PAPPA: variants seen among roughly 807,000 people sequenced by gnomAD.
The protein encoded by PAPPA is pappalysin 1.
PAPPA carries 60 observed loss-of-function variants against 164.0 expected under a neutral mutation model. The ratio of observed to expected loss-of-function variants is 0.37; its 90% CI spans 0.30 to 0.45. The LOEUF (loss-of-function observed/expected upper bound fraction) is 0.45, where lower values mean the gene tolerates loss of function less well. Ranked by LOEUF, PAPPA falls within the 20% of genes least tolerant of loss-of-function variation. The pLI is 1.00. For synonymous variants in PAPPA, 875 were observed against 814.1 expected (o/e 1.07, Z -1.27); for missense variants, 1,782 against 2,087.3 (o/e 0.85, Z 2.85).
At chr9:116,326,160 C>T (rs546017753) in intron 10 of PAPPA, among the ~76,000 whole-genome samples, 1 of 152,298 alleles carries the variant, frequency 6.6e-6, no homozygotes, top group African/African-American at 2.4e-5. Flanking sequence ...CTTATGTCAT[C>T]CATCCTCCAA....
In PAPPA at chr9:116,397,405, C is replaced by T. The variant is rs992123219; in HGVS notation, c.*789C>T. ...TGAGGCTTGAGGTCATAATATCCCTCTAGGACTTACCTGTTCCCCCAGATC... is the reference window on the plus strand; with the variant it reads ...TGAGGCTTGAGGTCATAATATCCCTTTAGGACTTACCTGTTCCCCCAGATC... On this transcript the variant is annotated 3_prime_UTR_variant, in exon 22 of 22. Coordinates refer to ENST00000328252, the MANE Select transcript of PAPPA (RefSeq NM_002581.5). 1 of 152,818 alleles carries T rather than the reference C, an allele frequency of 6.5e-6. No individual in the cohort carries two copies. The highest frequency in any genetic ancestry group is 2.4e-5 in the African/African-American group (1 of 41,450). The allele number at this position is 152,818 out of a possible 1,614,324, so 9.5% of individuals were successfully genotyped here.
chr9:116,306,635 A>G (rs1845650243), intron 10 of PAPPA, among the ~76,000 whole-genome samples: 1 of 152,224 alleles, frequency 6.6e-6, no homozygotes, highest in Non-Finnish European at 1.5e-5. Context: ...AATTAACCGA[A>G]AAAATCAAGT....
chr9:116,310,256 G>T (rs981482732), intron 10 of PAPPA, among the ~76,000 whole-genome samples: 2 of 152,196 alleles, frequency 1.3e-5, no homozygotes, highest in Non-Finnish European at 2.9e-5. Flanking sequence ...AGTGAAATGA[G>T]AGAGCCTTTG....
chr9:116,379,539 T>TCATCCATCCATCCATC (rs60827972), intron 20 of PAPPA, among the ~76,000 whole-genome samples: 9 of 149,910 alleles, frequency 6.0e-5, no homozygotes, highest in East Asian at 2.0e-4. Flanking sequence ...TTCTTGCCTG[T>TCATCCATCCATCCATC]CATCCATCCA....
At chr9:116,224,524 A>C (rs1271561132) in intron 5 of PAPPA, among the ~76,000 whole-genome samples, 1 of 152,220 alleles carries the variant, frequency 6.6e-6, no homozygotes, top group East Asian at 1.9e-4. Context: ...TCTCCCAAAG[A>C]TGGTATATAA....
chr9:116,387,606 C>T (rs912926087), intron 21 of PAPPA, among the ~76,000 whole-genome samples: 1 of 152,190 alleles, frequency 6.6e-6, no homozygotes, highest in African/African-American at 2.4e-5. Context: ...AACTCCTGGG[C>T]TCCAGTGATC....
At chr9:116,373,387 C>G (rs1364398361) in intron 19 of PAPPA, 1 of 151,914 alleles carries the variant, frequency 6.6e-6, no homozygotes, top group Non-Finnish European at 1.5e-5. Context: ...GGAAAGAAGC[C>G]AGAAACTCAG....
At chr9:116,178,005 C>T (rs1843857348) in intron 1 of PAPPA, among the ~76,000 whole-genome samples, 2 of 152,106 alleles carry the variant, frequency 1.3e-5, no homozygotes, top group African/African-American at 4.8e-5. Flanking sequence ...TTTCAGAGAA[C>T]AGTGTCAGAA....
At chr9:116,201,322 C>G (rs1255183578) in intron 2 of PAPPA, among the ~76,000 whole-genome samples, 1 of 152,120 alleles carries the variant, frequency 6.6e-6, no homozygotes, top group Admixed American at 6.5e-5. Context: ...CTGGTGTGTT[C>G]TGAAAATTAA....
At chr9:116,234,531 G>C (rs1844636407) in intron 6 of PAPPA, among the ~76,000 whole-genome samples, 1 of 152,078 alleles carries the variant, frequency 6.6e-6, no homozygotes, top group South Asian at 2.1e-4. Flanking sequence ...GCTGGTCGGG[G>C]GGTGGGGTTA....
Position 116,397,501 on chromosome 9 carries a change from T to C in PAPPA, c.*885T>C, listed in dbSNP as rs1322056987. 6.6e-6 allele frequency: 1 copy of C among 152,630 alleles called. No homozygotes were observed. 9.5% of individuals were successfully genotyped at this position (152,630 alleles called of 1,614,324 possible). A position where few individuals can be genotyped will look rare whatever the true frequency, so the allele number is the denominator to read the frequency against. ...CTATACATTGAATAATCCAAGATGG[T>C]AGAACTAGGTTAGGAAAAATTCCAC... is the stretch of plus-strand genomic sequence containing the variant. On this transcript the variant is annotated 3_prime_UTR_variant, in exon 22 of 22. Coordinates refer to ENST00000328252, the MANE Select transcript of PAPPA (RefSeq NM_002581.5).
At chr9:116,366,705 G>C (rs535975868) in intron 18 of PAPPA, among the ~76,000 whole-genome samples, 18 of 152,294 alleles carry the variant, frequency 1.2e-4, no homozygotes, top group Non-Finnish European at 2.2e-4. Context: ...TGGCCCTATA[G>C]AGTTACAGTC....
At chr9:116,284,234 T>C (rs987027278) in intron 9 of PAPPA, among the ~76,000 whole-genome samples, 7 of 152,204 alleles carry the variant, frequency 4.6e-5, no homozygotes, top group African/African-American at 1.2e-4. Flanking sequence ...CCGGAAGAGA[T>C]TGAGCAGAAA....
intron 21 of PAPPA, among the ~76,000 whole-genome samples, chr9:116,385,435 C>T (rs1213155404): frequency 6.6e-5 from 10 of 151,890 alleles, no homozygotes; most frequent in East Asian, 1.9e-4. Context: ...CATGAGCCAC[C>T]GCACCTGACC....
At chr9:116,257,808 G>C (rs1482143314) in intron 7 of PAPPA, among the ~76,000 whole-genome samples, 2 of 151,808 alleles carry the variant, frequency 1.3e-5, no homozygotes, top group Non-Finnish European at 2.9e-5. Flanking sequence ...ACAATTACTA[G>C]AACAAATAAA....
At chr9:116,203,541 GGA>G (rs1390466534) in intron 2 of PAPPA, among the ~76,000 whole-genome samples, 3 of 152,180 alleles carry the variant, frequency 2.0e-5, no homozygotes. Context: ...CACAGAGGAA[GGA>G]GGACTCATTT....
At chr9:116,266,924 C>G (rs1198574056) in intron 8 of PAPPA, among the ~76,000 whole-genome samples, 1 of 152,160 alleles carries the variant, frequency 6.6e-6, no homozygotes, top group African/African-American at 2.4e-5. Flanking sequence ...AAACTATTGA[C>G]AGATTTAATG....
At position 116,400,025 on chromosome 9, in the gene PAPPA, A is replaced by G. The variant is rs1847026071; in HGVS notation, c.*3409A>G. 1 of 152,214 alleles carries G rather than the reference A, an allele frequency of 6.6e-6. No homozygotes were observed. Among genetic ancestry groups the G allele is most frequent in the Non-Finnish European group, 1.5e-5 (1 of 67,884 alleles). 9.4% of individuals were successfully genotyped at this position (152,214 alleles called of 1,614,324 possible). A position where few individuals can be genotyped will look rare whatever the true frequency, so the allele number is the denominator to read the frequency against. On this transcript the variant is annotated 3_prime_UTR_variant, in exon 22 of 22. Coordinates refer to ENST00000328252, the MANE Select transcript of PAPPA (RefSeq NM_002581.5). ...TTATAGGTCTTACCTGTGTGAAAGAAAGAAAAAGAAAGAAAGAAAGAAAGA... is the reference window on the plus strand; with the variant it reads ...TTATAGGTCTTACCTGTGTGAAAGAGAGAAAAAGAAAGAAAGAAAGAAAGA...
chr9:116,232,597 G>A (rs764871167), intron 6 of PAPPA, among the ~76,000 whole-genome samples: 9 of 152,144 alleles, frequency 5.9e-5, no homozygotes, highest in South Asian at 2.1e-4. Flanking sequence ...TAAGACCTGC[G>A]TCACAGACTT....
Sources: gnomAD v4.1 joint callset for allele counts (sites outside exome capture counted in the v4.1 genomes callset) on GRCh38, gnomAD v4.1.1 for gene constraint, MANE v1.5 for transcripts, NCBI Gene and HGNC (gene_info 2026-07-23, HGNC 2026-07-21) for gene names.